The following IVNS1ABP variants were observed in gnomAD, a reference collection of about 807,000 sequenced individuals.
IVNS1ABP encodes influenza virus NS1A-binding protein.
In IVNS1ABP, 25 loss-of-function variants were observed where a neutral mutation model predicts 78.9. The ratio of observed to expected loss-of-function variants is 0.32; its 90% CI spans 0.23 to 0.44. IVNS1ABP has a LOEUF of 0.44. Ranked by LOEUF, IVNS1ABP falls within the 20% of genes least tolerant of loss-of-function variation. The pLI is 1.00. For synonymous variants in IVNS1ABP, 241 were observed against 259.7 expected (o/e 0.93, Z 0.69); for missense variants, 494 against 768.9 (o/e 0.64, Z 4.23).
chr1:185,305,852 A>ATT lies in IVNS1ABP; in HGVS notation c.658-210_658-209insAA. On this transcript the variant is annotated intron_variant, in intron 7 of 14. Transcript: ENST00000367498. This position sits in a 1 kb window ranked among gnomAD's most constrained non-coding sequence, Gnocchi z 4.0. ...AAACAAAAAACCAAAATCAAATACAAAATCTTCCAATACTGGCTGAAGAGT... is the reference window on the plus strand; with the variant it reads ...AAACAAAAAACCAAAATCAAATACAATTAATCTTCCAATACTGGCTGAAGAGT... The ATT allele has an allele frequency of 1.9e-6, 1 of 522,168 alleles. No homozygotes were observed. The highest frequency in any genetic ancestry group is 2.7e-5 in the South Asian group (1 of 37,346). The allele number at this position is 522,168 out of a possible 1,614,324, so 32.3% of individuals were successfully genotyped here.
In IVNS1ABP at chr1:185,300,208, T is replaced by C; in HGVS notation, c.1369+9A>G. ...AATACTGGATATCTCAGGAGAAAAC[T>C]ATTATTACCTGCATTACAACGGTTA... On this transcript the variant is annotated intron_variant, in intron 12 of 14. Transcript: ENST00000367498. 2.5e-6 allele frequency: 4 copies of C among 1,612,320 alleles called. No homozygotes were observed. The highest frequency in any genetic ancestry group is 3.4e-6 in the Non-Finnish European group (4 of 1,179,124).
Position 185,309,471 on chromosome 1 carries a change from A to G in IVNS1ABP, c.23T>C (p.Met8Thr). Residue 8 changes from methionine (M) to threonine (T), a missense_variant, in exon 3 of 15, where the codon ATG becomes ACG. Coordinates refer to ENST00000367498, the MANE Select transcript of IVNS1ABP (RefSeq NM_006469.5). MIPNGYL[M>T]FEDENFIESS... Reference sequence around the variant, plus strand: ...CTCAATAAAATTTTCATCCTCAAACATCAAATATCCATTGGGAATCATTTT... The same window carrying G: ...CTCAATAAAATTTTCATCCTCAAACGTCAAATATCCATTGGGAATCATTTT... The G allele has an allele frequency of 6.2e-7, 1 of 1,605,104 alleles. No individual in the cohort carries two copies. Among genetic ancestry groups the G allele is most frequent in the Admixed American group, 1.7e-5 (1 of 59,288 alleles).
intron 1 of IVNS1ABP, among the ~76,000 whole-genome samples, chr1:185,314,918 T>G (rs540831424): frequency 7.9e-5 from 12 of 152,210 alleles, no homozygotes; most frequent in Non-Finnish European, 1.2e-4. Flanking sequence ...GGTATCTGCA[T>G]GTTAATAACA....
At chr1:185,307,411 CACTT>C (rs1291574717) in intron 6 of IVNS1ABP, 74 bp downstream of exon 6, 13 of 1,101,680 alleles carry the variant, frequency 1.2e-5, no homozygotes, top group Non-Finnish European at 1.6e-5. Context: ...AATCATTACT[CACTT>C]GCTTGAAACA....
intron 2 of IVNS1ABP, among the ~76,000 whole-genome samples, chr1:185,310,034 T>C (rs1665842759): frequency 6.6e-6 from 1 of 152,200 alleles, no homozygotes; most frequent in Non-Finnish European, 1.5e-5. Flanking sequence ...TCAAGATTTA[T>C]ATGCAGAAAA....
At chr1:185,303,229 A>C (rs948393048) in intron 8 of IVNS1ABP, among the ~76,000 whole-genome samples, 7 of 152,122 alleles carry the variant, frequency 4.6e-5, no homozygotes, top group Admixed American at 3.9e-4. Context: ...GAAAGGCCCA[A>C]AAGCAATGCC....
intron 12 of IVNS1ABP, 21 bp from the exon 13 acceptor site, chr1:185,300,151 GTTA>G: frequency 1.2e-6 from 2 of 1,606,306 alleles, no homozygotes; most frequent in Non-Finnish European, 1.7e-6. Context: ...ATAAAATAAA[GTTA>G]CATATTGATA....
intron 4 of IVNS1ABP, 42 bp downstream of exon 4, chr1:185,308,960 GA>G: frequency 1.3e-6 from 2 of 1,579,364 alleles, no homozygotes; most frequent in Non-Finnish European, 8.6e-7. Context: ...GGAATTTTCT[GA>G]AGATATTCCC....
Position 185,305,510 on chromosome 1 carries a change from G to A in IVNS1ABP, c.765+26C>T. 6.2e-7 allele frequency: 1 copy of A among 1,606,854 alleles called. No individual in the cohort carries two copies. Among genetic ancestry groups the A allele is most frequent in the Non-Finnish European group, 8.5e-7 (1 of 1,176,268 alleles). On this transcript the variant is annotated intron_variant, in intron 8 of 14. Coordinates refer to ENST00000367498, the MANE Select transcript of IVNS1ABP (RefSeq NM_006469.5). The surrounding 1 kb of genome is among the most constrained non-coding windows in gnomAD (Gnocchi z 4.0). ...TTCTCTAGTCAAATTTTAACCTGAGGTTACCTCAGACTGTGCAATGTGTAC... is the reference window on the plus strand; with the variant it reads ...TTCTCTAGTCAAATTTTAACCTGAGATTACCTCAGACTGTGCAATGTGTAC...
intron 1 of IVNS1ABP, among the ~76,000 whole-genome samples, chr1:185,311,627 TTAATTC>T (rs2102822767): frequency 6.6e-6 from 1 of 152,286 alleles, no homozygotes; most frequent in Admixed American, 6.5e-5. Flanking sequence ...TCAATACTGT[TTAATTC>T]TAATATTCTT....
chr1:185,309,627 T>A, intron 2 of IVNS1ABP, 116 bp from the exon 3 acceptor site: 1 of 618,690 alleles, frequency 1.6e-6, no homozygotes, highest in African/African-American at 1.9e-5. Flanking sequence ...AAACAACACA[T>A]AAAAATTTCA....
rs1296084791 is a variant in IVNS1ABP, at chr1:185,301,381, CCTT to C, written c.895+50_895+52del. 4.8e-5 allele frequency: 76 copies of C among 1,597,410 alleles called. No individual in the cohort carries two copies. The East Asian group carries it at 7.4e-4, about 16-fold the overall frequency. ...TAAGAGGTATTAAATTGGCAACACT[CCTT>C]CTTAAAAATAGGTAAGCTGAAAACA... On this transcript the variant is annotated intron_variant, in intron 9 of 14. Coordinates refer to ENST00000367498, the MANE Select transcript of IVNS1ABP (RefSeq NM_006469.5).
chr1:185,304,733 G>A (rs983965368), intron 8 of IVNS1ABP, among the ~76,000 whole-genome samples: 1 of 152,076 alleles, frequency 6.6e-6, no homozygotes, highest in Non-Finnish European at 1.5e-5. Context: ...ATACGGAAAC[G>A]GTTGGGAAGA....
At chr1:185,306,341 T>G (rs973136353) in intron 7 of IVNS1ABP, 1 of 629,212 alleles carries the variant, frequency 1.6e-6, no homozygotes, top group African/African-American at 2.0e-5. Flanking sequence ...CTGCGTGTTT[T>G]CAATTCCCAC....
intron 14 of IVNS1ABP, 31 bp downstream of exon 14, chr1:185,299,679 A>G: frequency 1.2e-6 from 2 of 1,607,954 alleles, no homozygotes; most frequent in Non-Finnish European, 1.7e-6. Flanking sequence ...GCCACTATCT[A>G]CTCTTCACCT....
intron 5 of IVNS1ABP, chr1:185,308,037 G>C: frequency 6.5e-7 from 1 of 1,547,094 alleles, no homozygotes; most frequent in Non-Finnish European, 8.7e-7. Context: ...ATTTAATTTG[G>C]TTGGAGAAAA....
chr1:185,309,224 T>C, intron 3 of IVNS1ABP, 52 bp from the exon 4 acceptor site: 1 of 1,358,346 alleles, frequency 7.4e-7, no homozygotes, highest in African/African-American at 1.5e-5. Context: ...TGTGCTTCTC[T>C]AGCTAATTAC....
In IVNS1ABP at chr1:185,312,461, AC is replaced by A. The variant is rs1446743931; in HGVS notation, c.-246-1140del. ...TACAACAATTCTAAATCTAACAATT[AC>A]GTCAAAGTGAATAATCACTTACCAC... is the stretch of plus-strand genomic sequence containing the variant. On this transcript the variant is annotated intron_variant, in intron 1 of 14. Transcript: ENST00000367498. 2.6e-5 allele frequency among the ~76,000 whole-genome samples: 4 copies of A among 152,336 alleles called. No individual in the cohort carries two copies. The East Asian group carries it at 7.7e-4, about 29-fold the overall frequency.
At position 185,305,646 on chromosome 1, in the gene IVNS1ABP, G is replaced by A. The variant is rs1665720526; in HGVS notation, c.658-3C>T. ...GCTGAGTAGTACAAGGTTTGAACCT[G>A]CAAAACAGCAACAGAACACCCATGT... On this transcript the variant is annotated splice_region_variant and splice_polypyrimidine_tract_variant and intron_variant, in intron 7 of 14. Coordinates refer to ENST00000367498, the MANE Select transcript of IVNS1ABP (RefSeq NM_006469.5). This position sits in a 1 kb window ranked among gnomAD's most constrained non-coding sequence, Gnocchi z 4.0. 6.2e-7 allele frequency: 1 copy of A among 1,612,832 alleles called. No individual in the cohort carries two copies. Among genetic ancestry groups the A allele is most frequent in the Non-Finnish European group, 8.5e-7 (1 of 1,179,352 alleles).
Sources: gnomAD v4.1 joint callset for allele counts (sites outside exome capture counted in the v4.1 genomes callset) on GRCh38, gnomAD v4.1.1 for gene constraint, Gnocchi (gnomAD v3.1) non-coding constraint, MANE v1.5 for transcripts, NCBI Gene and HGNC (gene_info 2026-07-23, HGNC 2026-07-21) for gene names.